The following LRRIQ1 variants were observed in gnomAD, a reference collection of about 807,000 sequenced individuals.
LRRIQ1 encodes the protein leucine rich repeats and IQ motif containing 1, also known as leucine-rich repeat- and IQ domain-containing protein 1.
A neutral mutation model predicts 211.9 loss-of-function variants in LRRIQ1; 210 were observed. The observed-to-expected ratio is 0.99, with a 90% CI of 0.89 to 1.11. The LOEUF is 1.11. Ranked by LOEUF, LRRIQ1 falls within the 50% of genes most tolerant of loss-of-function variation. The pLI is 0.00. For missense variants in LRRIQ1, 2,136 were observed against 1,939.5 expected (o/e 1.10, Z -1.90); for synonymous variants, 699 against 650.1 (o/e 1.08, Z -1.14).
rs1163070343 is a variant in LRRIQ1, at chr12:85,180,987, TCTA to T, written c.4822+20276_4822+20278del. On this transcript the variant is annotated intron_variant, in intron 24 of 26. Transcript: ENST00000393217. ...ATGTAGATTCTGATAAATGATCTATTCTACTCTAAATTTTAGCTGGACAAATTT... is the reference window on the plus strand; with the variant it reads ...ATGTAGATTCTGATAAATGATCTATTCTCTAAATTTTAGCTGGACAAATTT... Among the ~76,000 whole-genome samples the T allele has an allele frequency of 1.1e-4, 16 of 151,990 alleles. No homozygotes were observed. In the East Asian group the frequency reaches 2.9e-3, roughly 28 times the overall value.
intron 1 of LRRIQ1, among the ~76,000 whole-genome samples, chr12:85,253,232 G>T: frequency 6.6e-6 from 1 of 151,874 alleles, no homozygotes; most frequent in East Asian, 1.9e-4. Context: ...GGGTGAGAAG[G>T]GTGTATTCTC....
In LRRIQ1 at chr12:85,234,227, A is replaced by T. The variant is rs7484508; in HGVS notation, c.5016+1471A>T. 6.3e-3 allele frequency among the ~76,000 whole-genome samples: 956 copies of T among 152,102 alleles called. 7 individuals carry two copies. Among genetic ancestry groups the T allele is most frequent in the African/African-American group, 0.022 (921 of 41,504 alleles). On this transcript the variant is annotated intron_variant, in intron 26 of 26. Coordinates refer to ENST00000393217, the MANE Select transcript of LRRIQ1 (RefSeq NM_001079910.2). Reference sequence around the variant, plus strand: ...ACTCCAGATTGGATGTCAGAGTGAGACTCTCTTTCAAAAAACAAAAAAGTT... The same window carrying T: ...ACTCCAGATTGGATGTCAGAGTGAGTCTCTCTTTCAAAAAACAAAAAAGTT...
intron 25 of LRRIQ1, 41 bp from the exon 26 acceptor site, chr12:85,232,655 A>T (rs771588882): frequency 6.5e-7 from 1 of 1,537,058 alleles, no homozygotes; most frequent in Non-Finnish European, 9.0e-7. Flanking sequence ...CTTCCTCTAC[A>T]TTTACATTAT....
At chr12:85,243,369 G>A (rs923370850) in intron 26 of LRRIQ1, among the ~76,000 whole-genome samples, 2 of 145,682 alleles carry the variant, frequency 1.4e-5, no homozygotes, top group Admixed American at 6.9e-5. Flanking sequence ...AAGTTTTAGG[G>A]TACCTGTGCA....
rs777200475 is a variant in LRRIQ1 at position 85,046,127 on chromosome 12, T to C, written c.444T>C (p.His148=). The C allele has an allele frequency of 3.8e-6, 6 of 1,590,470 alleles. No homozygotes were observed. The South Asian group carries it at 6.7e-5, about 18-fold the overall frequency. ...PSPHDLPMDE[H]VLPDDADINF... is the part of the protein sequence containing the mutation. Reference sequence around the variant, plus strand: ...CTCATGACTTGCCTATGGATGAACATGTTTTACCAGGTGGACTAAATTGCT... The same window carrying C: ...CTCATGACTTGCCTATGGATGAACACGTTTTACCAGGTGGACTAAATTGCT... Residue 148 remains histidine (H), a synonymous_variant, in exon 5 of 27, where the codon CAT becomes CAC. Transcript: ENST00000393217.
chr12:85,128,315 CA>C (rs1888525424), intron 18 of LRRIQ1, among the ~76,000 whole-genome samples: 1 of 152,098 alleles, frequency 6.6e-6, no homozygotes, highest in East Asian at 1.9e-4. Flanking sequence ...AACTTCTCAT[CA>C]AGGCAGGATG....
chr12:85,105,477 G>A (rs890206675), intron 14 of LRRIQ1, among the ~76,000 whole-genome samples: 1 of 151,704 alleles, frequency 6.6e-6, no homozygotes, highest in Non-Finnish European at 1.5e-5. Context: ...TGCCACCTTT[G>A]TGCAAAAATT....
intron 3 of LRRIQ1, among the ~76,000 whole-genome samples, chr12:85,044,140 C>T (rs951566266): frequency 2.6e-5 from 4 of 151,818 alleles, no homozygotes; most frequent in African/African-American, 9.7e-5. Context: ...CAGAATGGTC[C>T]TCTGTAAAGT....
At position 85,106,617 on chromosome 12, in the gene LRRIQ1, T is replaced by G. The variant is rs773191840; in HGVS notation, c.3377+2T>G. 12 of 1,598,510 alleles carry G rather than the reference T, an allele frequency of 7.5e-6. No homozygotes were observed. Among genetic ancestry groups the G allele is most frequent in the Non-Finnish European group, 1.0e-5 (12 of 1,166,990 alleles). On this transcript the variant is annotated splice_donor_variant, in intron 15 of 26. Coordinates refer to ENST00000393217, the MANE Select transcript of LRRIQ1 (RefSeq NM_001079910.2). LOFTEE classifies it high-confidence loss of function. ...ACTTCTTCAAGAAACAAACTGGAGG[T>G]AAAGAGGCATTGTTGCACCCCATGT...
chr12:85,104,126 T>C (rs777619591), intron 14 of LRRIQ1, 49 bp downstream of exon 14: 1 of 981,134 alleles, frequency 1.0e-6, no homozygotes, highest in South Asian at 2.5e-5. Context: ...TTTGACTTTC[T>C]GTTTCAAATA....
intron 24 of LRRIQ1, among the ~76,000 whole-genome samples, chr12:85,220,289 G>A (rs1346397212): frequency 6.6e-6 from 1 of 152,020 alleles, no homozygotes; most frequent in Non-Finnish European, 1.5e-5. Flanking sequence ...TCATGGGAAA[G>A]TTGCCATAAG....
chr12:85,235,564 A>G (rs1295998453), intron 26 of LRRIQ1, among the ~76,000 whole-genome samples: 1 of 152,166 alleles, frequency 6.6e-6, no homozygotes, highest in Non-Finnish European at 1.5e-5. Flanking sequence ...AGGAGAAAGT[A>G]TGACTTTGAT....
At chr12:85,157,403 C>T (rs189922216) in intron 23 of LRRIQ1, among the ~76,000 whole-genome samples, 1 of 151,802 alleles carries the variant, frequency 6.6e-6, no homozygotes, top group Non-Finnish European at 1.5e-5. Context: ...GTTGTTTTTC[C>T]TAGTGAGTAA....
rs1319052231 is a variant in LRRIQ1, at chr12:85,215,671, T to C, written c.4823-13846T>C. ...AGTTCCATCCATGTCCCTGCTGAAA[T>C]GACAGAAGTAGGATGCAAGTGTTGT... On this transcript the variant is annotated intron_variant, in intron 24 of 26. Coordinates refer to ENST00000393217, the MANE Select transcript of LRRIQ1 (RefSeq NM_001079910.2). 2.0e-5 allele frequency among the ~76,000 whole-genome samples: 3 copies of C among 152,074 alleles called. No individual in the cohort carries two copies. In the East Asian group the frequency reaches 5.8e-4, roughly 29 times the overall value.
intron 18 of LRRIQ1, among the ~76,000 whole-genome samples, chr12:85,131,350 C>T (rs1179227530): frequency 2.0e-5 from 3 of 152,040 alleles, no homozygotes; most frequent in African/African-American, 7.2e-5. Context: ...CAAGTCACCT[C>T]ATGTTAAAGT....
intron 23 of LRRIQ1, among the ~76,000 whole-genome samples, chr12:85,159,826 ATTC>A (rs759936516): frequency 3.2e-4 from 48 of 152,060 alleles, no homozygotes; most frequent in Admixed American, 1.8e-3. Flanking sequence ...AGATTTTATT[ATTC>A]TTACTGATAG....
chr12:85,082,465 A>G (rs545237556), intron 11 of LRRIQ1, among the ~76,000 whole-genome samples: 1 of 139,878 alleles, frequency 7.1e-6, no homozygotes, highest in South Asian at 2.2e-4. Context: ...GTCTGCCATT[A>G]TTTCTTCAAA....
chr12:85,124,254 G>C lies in LRRIQ1; in HGVS notation c.3742G>C (p.Val1248Leu), dbSNP rs2136444567. 3 of 1,614,092 alleles carry C rather than the reference G, an allele frequency of 1.9e-6. No individual in the cohort carries two copies. Among genetic ancestry groups the C allele is most frequent in the Non-Finnish European group, 1.7e-6 (2 of 1,180,010 alleles). Residue 1248 changes from valine to leucine, a missense_variant, in exon 17 of 27, where the codon GTC becomes CTC. Transcript: ENST00000393217. ...CAGTGACAGCACTCTGCAAAATGGA[G>C]TCTTCTACTCTTGTGCACGTGAAGG... ...TNSDSTLQNGVFYSCAREGEP... is the reference protein window; with the variant it reads ...TNSDSTLQNGLFYSCAREGEP...
chr12:85,065,613 A>C (rs1050533337), intron 9 of LRRIQ1, among the ~76,000 whole-genome samples, 199 bp downstream of exon 9: 2 of 151,842 alleles, frequency 1.3e-5, no homozygotes, highest in Non-Finnish European at 2.9e-5. Flanking sequence ...AAAATGACCT[A>C]TCTCTTTTTG....
Sources: gnomAD v4.1 joint callset for allele counts (sites outside exome capture counted in the v4.1 genomes callset) on GRCh38, gnomAD v4.1.1 for gene constraint, MANE v1.5 for transcripts, NCBI Gene and HGNC (gene_info 2026-07-23, HGNC 2026-07-21) for gene names.